Variants in SPEN observed in about 807,000 individuals in gnomAD.
The protein encoded by SPEN is spen family transcriptional repressor.
A neutral mutation model predicts 269.9 loss-of-function variants in SPEN; 18 were observed. The observed-to-expected ratio is 0.07, with a 90% confidence interval of 0.05 to 0.10. SPEN has a LOEUF of 0.10. Among genes scored for constraint, SPEN ranks in the 10% least tolerant of loss-of-function variants. The pLI is 1.00. For missense variants in SPEN, 3,822 were observed against 4,631.2 expected (o/e 0.83, Z 5.07); for synonymous variants, 1,726 against 1,765.7 (o/e 0.98, Z 0.56).
At chr1:15,920,179 C>G (rs111784357) in intron 8 of SPEN, among the ~76,000 whole-genome samples, 2 of 152,180 alleles carry the variant, frequency 1.3e-5, no homozygotes, top group Non-Finnish European at 2.9e-5. Context: ...AAGCGATTCT[C>G]TAGCCTCAGC....
At position 15,864,358 on chromosome 1, in the gene SPEN, G is replaced by C. The variant is rs544446829; in HGVS notation, c.84-8458G>C. Among the ~76,000 whole-genome samples the C allele has an allele frequency of 8.4e-4, 127 of 151,992 alleles. 1 individual carries two copies. Among genetic ancestry groups the C allele is most frequent in the African/African-American group, 2.9e-3 (122 of 41,490 alleles). On this transcript the variant is annotated intron_variant, in intron 1 of 14. Coordinates refer to ENST00000375759, the MANE Select transcript of SPEN (RefSeq NM_015001.3). ...TAAGTTTTGTACTTTTAGTAAAGGTGGTGGTTTTGCCATGTTGGCAAGGCT... is the reference window on the plus strand; with the variant it reads ...TAAGTTTTGTACTTTTAGTAAAGGTCGTGGTTTTGCCATGTTGGCAAGGCT...
At chr1:15,890,974 C>T (rs1028690290) in intron 3 of SPEN, among the ~76,000 whole-genome samples, 2 of 152,118 alleles carry the variant, frequency 1.3e-5, no homozygotes, top group African/African-American at 2.4e-5. Context: ...TTCAAGTGCT[C>T]AATAGCCACA....
chr1:15,856,950 A>G (rs182364594), intron 1 of SPEN, among the ~76,000 whole-genome samples: 11 of 152,260 alleles, frequency 7.2e-5, no homozygotes, highest in African/African-American at 2.2e-4. Context: ...TAAAAATTCT[A>G]TCTCAGGAAT....
At chr1:15,860,489 A>G (rs2070435917) in intron 1 of SPEN, among the ~76,000 whole-genome samples, 3 of 137,958 alleles carry the variant, frequency 2.2e-5, no homozygotes, top group Non-Finnish European at 3.1e-5. Context: ...ATAAGGTCCC[A>G]CTGTATTGCC....
intron 3 of SPEN, among the ~76,000 whole-genome samples, chr1:15,879,828 G>A (rs977049583): frequency 6.6e-6 from 1 of 151,980 alleles, no homozygotes; most frequent in African/African-American, 2.4e-5. Flanking sequence ...CCGCTACCAC[G>A]CCCAGCTAAT....
chr1:15,937,465 T>G lies in SPEN; in HGVS notation c.10329T>G (p.Leu3443=). The stretch of plus-strand genomic sequence containing the variant: ...TGTCTGTCTCCATGAAGCCTGACCT[T>G]CCAGTCTCTCTTCCCACTCAGACTG... ...SPVSVSMKPD[L]PVSLPTQTAP... The change falls in exon 12 of 15, where the codon CTT becomes CTG. Residue 3443 remains leucine (L), a synonymous_variant. Coordinates refer to ENST00000375759, the MANE Select transcript of SPEN (RefSeq NM_015001.3). This position sits in a 1 kb window ranked among gnomAD's most constrained non-coding sequence, Gnocchi z 5.7. 1 of 1,613,990 alleles carries G rather than the reference T, an allele frequency of 6.2e-7. No homozygotes were observed. Among genetic ancestry groups the G allele is most frequent in the South Asian group, 1.1e-5 (1 of 91,088 alleles).
chr1:15,874,244 TC>T, intron 2 of SPEN: 10 of 1,366,564 alleles, frequency 7.3e-6, no homozygotes, highest in Non-Finnish European at 9.8e-6. Context: ...ATTTTTTTTT[TC>T]TTGTGGTTCA....
chr1:15,930,244 A>G lies in SPEN; in HGVS notation c.4004A>G (p.Asp1335Gly), dbSNP rs767042826. The G allele has an allele frequency of 6.2e-7, 1 of 1,614,212 alleles. No individual in the cohort carries two copies. The highest frequency in any genetic ancestry group is 8.5e-7 in the Non-Finnish European group (1 of 1,180,026). ...AAACTATCTGTCTTGAATTCTGAAGATGAACTAAATCGTTGGGACTCTCAG... is the reference window on the plus strand; with the variant it reads ...AAACTATCTGTCTTGAATTCTGAAGGTGAACTAAATCGTTGGGACTCTCAG... ...KIKLSVLNSE[D>G]ELNRWDSQMK... Residue 1335 changes from aspartate (D) to glycine (G), a missense_variant, in exon 11 of 15, where the codon GAT becomes GGT. Asp to Gly is a moderately conservative substitution (Grantham distance 94, BLOSUM62 -1). This residue lies in a region of SPEN where 267 missense variants were observed against 315.5 expected (regional missense o/e 0.85). Coordinates refer to ENST00000375759, the MANE Select transcript of SPEN (RefSeq NM_015001.3). The surrounding 1 kb of genome is among the most constrained non-coding windows in gnomAD (Gnocchi z 5.3).
chr1:15,905,729 T>C (rs1018026474), intron 3 of SPEN, among the ~76,000 whole-genome samples: 8 of 151,874 alleles, frequency 5.3e-5, no homozygotes, highest in African/African-American at 1.9e-4. Context: ...CACGCCACCA[T>C]GCCCAGCCAA....
Position 15,937,214 on chromosome 1 carries a change from A to G in SPEN, c.10078A>G (p.Thr3360Ala). ...PLQPPQPVQSTQPAQPAPPCP... is the reference protein window; with the variant it reads ...PLQPPQPVQSAQPAQPAPPCP... ...GCAGCCTCCTCAGCCTGTGCAGTCC[A>G]CACAGCCTGCCCAGCCTGCACCACC... The change falls in exon 12 of 15, where the codon ACA becomes GCA. Residue 3360 changes from threonine (T) to alanine (A), a missense_variant. Thr to Ala is a moderately conservative substitution (Grantham distance 58). This residue lies in a region of SPEN where 359 missense variants were observed against 377.3 expected (regional missense o/e 0.95). Coordinates refer to ENST00000375759, the MANE Select transcript of SPEN (RefSeq NM_015001.3). The surrounding 1 kb of genome is among the most constrained non-coding windows in gnomAD (Gnocchi z 5.7). 1 of 1,613,442 alleles carries G rather than the reference A, an allele frequency of 6.2e-7. No individual in the cohort carries two copies. Among genetic ancestry groups the G allele is most frequent in the Non-Finnish European group, 8.5e-7 (1 of 1,179,910 alleles).
Position 15,929,475 on chromosome 1 carries a change from A to G in SPEN, c.3235A>G (p.Arg1079Gly). The G allele has an allele frequency of 6.2e-7, 1 of 1,613,324 alleles. No individual in the cohort carries two copies. Among genetic ancestry groups the G allele is most frequent in the African/African-American group, 1.3e-5 (1 of 74,942 alleles). Reference sequence around the variant, plus strand: ...CAGTATTTCTGTTGGGTCTGGCTCAAGGCCCAGCTCAGACCTACAAGCAAG... The same window carrying G: ...CAGTATTTCTGTTGGGTCTGGCTCAGGGCCCAGCTCAGACCTACAAGCAAG... Reference protein sequence around the residue: ...LASISVGSGSRPSSDLQARLG... With the variant: ...LASISVGSGSGPSSDLQARLG... The change falls in exon 11 of 15, where the codon AGG (arginine) becomes GGG (glycine). Residue 1079 changes from arginine (R) to glycine (G), a missense_variant. Around this residue, in one of 16 missense-constraint regions of SPEN, gnomAD observed 572 missense variants for 582.6 expected, o/e 0.98. Transcript: ENST00000375759. The surrounding 1 kb of genome is among the most constrained non-coding windows in gnomAD (Gnocchi z 5.8).
At chr1:15,938,582 T>TTTC (rs1259263460) in intron 13 of SPEN, 136 bp from the exon 14 acceptor site, 4 of 448,216 alleles carry the variant, frequency 8.9e-6, no homozygotes, top group Non-Finnish European at 1.0e-5. Context: ...TTTTTTTTTT[T>TTTC]TTCATTCAAA....
At chr1:15,918,338 CCTTCAGAATAACTAGGATTACAGG>C (rs2148732630) in intron 6 of SPEN, among the ~76,000 whole-genome samples, 1 of 152,360 alleles carries the variant, frequency 6.6e-6, no homozygotes, top group African/African-American at 2.4e-5. Flanking sequence ...CTTGCCTCAG[CCTTCAGAATAACTAGGATTACAGG>C]CATGTGCCGC....
In SPEN at chr1:15,939,426, G is replaced by A; in HGVS notation, c.10994G>A (p.Ter3665=). 1 of 1,590,556 alleles carries A rather than the reference G, an allele frequency of 6.3e-7. No individual in the cohort carries two copies. Among genetic ancestry groups the A allele is most frequent in the Non-Finnish European group, 8.6e-7 (1 of 1,168,452 alleles). ...CTCATGATTGTCATTGCCTCCGTGT[G>A]AGCCACTGAGTGGTTATCACCTCAG... is the stretch of plus-strand genomic sequence containing the variant. The part of the protein sequence containing the change: ...PHLMIVIASV[*] The change falls in exon 15 of 15, where the codon TGA becomes TAA. Residue 3665 remains the stop codon, a stop_retained_variant. Coordinates refer to ENST00000375759, the MANE Select transcript of SPEN (RefSeq NM_015001.3). The surrounding 1 kb of genome is among the most constrained non-coding windows in gnomAD (Gnocchi z 4.1).
chr1:15,847,755 C>T lies in SPEN; in HGVS notation c.-313C>T, dbSNP rs2070285264. 2 of 187,292 alleles carry T rather than the reference C, an allele frequency of 1.1e-5. No individual in the cohort carries two copies. Among genetic ancestry groups the T allele is most frequent in the Non-Finnish European group, 1.1e-5 (1 of 89,912 alleles). 11.6% of individuals were successfully genotyped at this position (187,292 alleles called of 1,614,324 possible). The stretch of plus-strand genomic sequence containing the variant: ...AGCGCCAGCTCCGTCGTAGTCGCTG[C>T]CGCCCGTGTCCCGCTCGCCCCTCCT... On this transcript the variant is annotated 5_prime_UTR_variant, in exon 1 of 15. Coordinates refer to ENST00000375759, the MANE Select transcript of SPEN (RefSeq NM_015001.3).
intron 1 of SPEN, among the ~76,000 whole-genome samples, chr1:15,866,221 G>T (rs2070506858): frequency 6.6e-6 from 1 of 152,172 alleles, no homozygotes; most frequent in Admixed American, 6.6e-5. Flanking sequence ...TGAAATTAGG[G>T]CTTTGTAGTT....
rs2070672423 is a variant in SPEN, at chr1:15,880,070, C to T, written c.881+3392C>T. 2.0e-5 allele frequency among the ~76,000 whole-genome samples: 3 copies of T among 152,254 alleles called. 1 individual carries two copies. In the South Asian group the frequency reaches 6.2e-4, roughly 32 times the overall value. On this transcript the variant is annotated intron_variant, in intron 3 of 14. Coordinates refer to ENST00000375759, the MANE Select transcript of SPEN (RefSeq NM_015001.3). ...CCACCTAAAAGGCCAGATTTGGGCT[C>T]TTGTATGTTTTTTTCCCTCTGATTT...
At chr1:15,865,426 T>TG (rs1243724162) in intron 1 of SPEN, among the ~76,000 whole-genome samples, 14 of 150,118 alleles carry the variant, frequency 9.3e-5, no homozygotes, top group Non-Finnish European at 2.1e-4. Context: ...GCCTGTTTTT[T>TG]TTTTTTTTTT....
chr1:15,848,219 G>GC lies in SPEN; in HGVS notation c.83+73dup. ...CGCTTCCCGCCCCGGCCCGTTGCCGGCCCCTCCCGGAGCGCGGAGCTGGTG... is the reference window on the plus strand; with the variant it reads ...CGCTTCCCGCCCCGGCCCGTTGCCGGCCCCCTCCCGGAGCGCGGAGCTGGTG... On this transcript the variant is annotated intron_variant, in intron 1 of 14. Coordinates refer to ENST00000375759, the MANE Select transcript of SPEN (RefSeq NM_015001.3). This position sits in a 1 kb window ranked among gnomAD's most constrained non-coding sequence, Gnocchi z 5.1. The GC allele has an allele frequency of 8.5e-7, 1 of 1,180,734 alleles. No individual in the cohort carries two copies. The highest frequency in any genetic ancestry group is 1.2e-6 in the Non-Finnish European group (1 of 868,442). The allele number at this position is 1,180,734 out of a possible 1,614,324, so 73.1% of individuals were successfully genotyped here. A position where few individuals can be genotyped will look rare whatever the true frequency, so the allele number is the denominator to read the frequency against.
Sources: gnomAD v4.1 joint callset for allele counts (sites outside exome capture counted in the v4.1 genomes callset) on GRCh38, gnomAD v4.1.1 for gene constraint, gnomAD v4.1.1 regional missense constraint, Gnocchi (gnomAD v3.1) non-coding constraint, MANE v1.5 for transcripts, NCBI Gene and HGNC (gene_info 2026-07-23, HGNC 2026-07-21) for gene names.